SCRG1: variants seen among roughly 807,000 people sequenced by gnomAD.
The protein encoded by SCRG1 is scrapie-responsive protein 1.
In SCRG1, 3 loss-of-function variants were observed where a neutral mutation model predicts 7.7. That is an observed-to-expected ratio of 0.39 (90% CI 0.18 to 1.01). SCRG1 has a LOEUF of 1.01. Among genes scored for constraint, SCRG1 ranks in the 50% least tolerant of loss-of-function variants. The pLI is 0.36. For synonymous variants in SCRG1, 46 were observed against 41.2 expected (o/e 1.12, Z -0.44); for missense variants, 110 against 117.2 (o/e 0.94, Z 0.28).
the SCRG1 span, among the ~76,000 whole-genome samples, chr4:173,428,860 C>T: frequency 6.7e-3 from 1,025 of 152,218 alleles, 9 homozygotes; most frequent in African/African-American, 0.023. Context: ...ATCATAAGGC[C>T]TTCTGAATAT....
At chr4:173,411,202 C>G (rs1225564628), upstream of SCRG1, among the ~76,000 whole-genome samples, 1 of 152,192 alleles carries the variant, frequency 6.6e-6, no homozygotes, top group African/African-American at 2.4e-5. Flanking sequence ...TTTAAGTACT[C>G]AATAACTATT....
upstream of SCRG1, among the ~76,000 whole-genome samples, chr4:173,409,093 G>A (rs1383343906): frequency 6.6e-6 from 1 of 151,936 alleles, no homozygotes; most frequent in Non-Finnish European, 1.5e-5. Context: ...GACCTAAAAG[G>A]TTCTGAGATT....
intron 1 of SCRG1, among the ~76,000 whole-genome samples, chr4:173,396,550 A>C (rs1162126495): frequency 6.6e-6 from 1 of 152,216 alleles, no homozygotes; most frequent in Non-Finnish European, 1.5e-5. Flanking sequence ...AATTTCCTTC[A>C]GTGAAATGAA....
chr4:173,402,188 T>A (rs1027086007), upstream of SCRG1, among the ~76,000 whole-genome samples: 2 of 152,166 alleles, frequency 1.3e-5, no homozygotes, highest in Admixed American at 1.3e-4. Context: ...ACCATCCAAA[T>A]GTAATGTACA....
the SCRG1 span, among the ~76,000 whole-genome samples, chr4:173,492,033 G>A: frequency 6.6e-6 from 1 of 152,028 alleles, no homozygotes; most frequent in Non-Finnish European, 1.5e-5. Flanking sequence ...AGGAGGCTGA[G>A]GCAGGAGGAT....
the SCRG1 span, among the ~76,000 whole-genome samples, chr4:173,441,406 A>G: frequency 6.6e-6 from 1 of 152,146 alleles, no homozygotes; most frequent in African/African-American, 2.4e-5. Flanking sequence ...TCCATGTGCT[A>G]AATATATATC....
the SCRG1 span, among the ~76,000 whole-genome samples, chr4:173,514,368 A>T: frequency 6.6e-6 from 1 of 152,176 alleles, no homozygotes; most frequent in Non-Finnish European, 1.5e-5. Context: ...TTGAAAATTG[A>T]CTTCTTTTGT....
chr4:173,391,178 G>A lies in SCRG1; in HGVS notation c.237C>T (p.Cys79=). ...TTGTGATACCATTTCCTTACTTTGG[G>A]CAGCAGAGCAATTCGCTGAAGTTGC... The part of the protein sequence containing the change: ...CYCNFSELLC[C]PKDVFFGPKI... Residue 79 remains cysteine (C), a synonymous_variant, in exon 2 of 3, where the codon TGC becomes TGT. Coordinates refer to ENST00000296506, the MANE Select transcript of SCRG1 (RefSeq NM_007281.4). 1 of 1,613,980 alleles carries A rather than the reference G, an allele frequency of 6.2e-7. No individual in the cohort carries two copies. Among genetic ancestry groups the A allele is most frequent in the Non-Finnish European group, 8.5e-7 (1 of 1,179,982 alleles).
Position 173,391,446 on chromosome 4 carries a change from C to T in SCRG1, c.-14-18G>A. ...TTTTGGCCCTGAAATAGAAGAAAGA[C>T]CAAAATGTGTCAATGTTTGTTTTTT... On this transcript the variant is annotated intron_variant, in intron 1 of 2. Coordinates refer to ENST00000296506, the MANE Select transcript of SCRG1 (RefSeq NM_007281.4). The T allele has an allele frequency of 6.2e-7, 1 of 1,612,066 alleles. No individual in the cohort carries two copies. Among genetic ancestry groups the T allele is most frequent in the Non-Finnish European group, 8.5e-7 (1 of 1,178,660 alleles).
the SCRG1 span, among the ~76,000 whole-genome samples, chr4:173,465,181 A>C: frequency 1.6e-4 from 25 of 152,222 alleles, no homozygotes; most frequent in African/African-American, 6.0e-4. Context: ...ATGGTTGTAC[A>C]ACAATATGAG....
chr4:173,510,710 G>A, the SCRG1 span, among the ~76,000 whole-genome samples: 2 of 152,028 alleles, frequency 1.3e-5, no homozygotes, highest in Non-Finnish European at 2.9e-5. This position sits in a 1 kb window ranked among gnomAD's most constrained non-coding sequence, Gnocchi z 5.7. Flanking sequence ...GTGACGTAGC[G>A]CGCCAAAACC....
chr4:173,482,893 T>C, the SCRG1 span, among the ~76,000 whole-genome samples: 1 of 140,370 alleles, frequency 7.1e-6, no homozygotes, highest in African/African-American at 2.6e-5. Flanking sequence ...TTATATATTA[T>C]ATATAATATA....
chr4:173,492,941 A>G, the SCRG1 span, among the ~76,000 whole-genome samples: 1 of 152,200 alleles, frequency 6.6e-6, no homozygotes, highest in Admixed American at 6.5e-5. Flanking sequence ...ATGGACAAGA[A>G]CAAACACACT....
At chr4:173,453,791 G>A in the SCRG1 span, among the ~76,000 whole-genome samples, 8 of 152,224 alleles carry the variant, frequency 5.3e-5, no homozygotes, top group Admixed American at 5.2e-4. Flanking sequence ...AGTAAGAAGT[G>A]AGCAGCTGGG....
the SCRG1 span, among the ~76,000 whole-genome samples, chr4:173,482,305 G>T: frequency 6.6e-6 from 1 of 152,142 alleles, no homozygotes; most frequent in Non-Finnish European, 1.5e-5. Context: ...GTTAGAATAG[G>T]TTAGAGACTC....
At chr4:173,488,049 G>A in the SCRG1 span, among the ~76,000 whole-genome samples, 14,106 of 151,758 alleles carry the variant, frequency 0.093, 726 homozygotes, top group East Asian at 0.11. Flanking sequence ...GCAGTAAGCC[G>A]AGATTACACC....
the SCRG1 span, among the ~76,000 whole-genome samples, chr4:173,445,977 T>C: frequency 6.6e-6 from 1 of 152,136 alleles, no homozygotes; most frequent in African/African-American, 2.4e-5. Context: ...AAGGAGACTT[T>C]TAAGGAGATT....
At chr4:173,421,332 G>C in the SCRG1 span, among the ~76,000 whole-genome samples, 1 of 152,004 alleles carries the variant, frequency 6.6e-6, no homozygotes, top group African/African-American at 2.4e-5. Context: ...CTTAGTAGAA[G>C]CTCAATAAAT....
the SCRG1 span, among the ~76,000 whole-genome samples, chr4:173,484,729 A>ATATAATACATATTATATATTATATGCG: frequency 1.1e-5 from 1 of 91,322 alleles, no homozygotes; most frequent in African/African-American, 4.6e-5. Flanking sequence ...TATTATATGC[A>ATATAATACATATTATATATTATATGCG]TATAATACAT....
Sources: allele counts gnomAD v4.1 joint callset (sites outside exome capture counted in the v4.1 genomes callset), GRCh38; gene constraint gnomAD v4.1.1; non-coding constraint Gnocchi (gnomAD v3.1); transcripts MANE v1.5; gene names NCBI Gene and HGNC (gene_info 2026-07-23, HGNC 2026-07-21).